Variants in SPMIP11 observed in about 807,000 individuals in gnomAD.
The protein encoded by SPMIP11 is long intergenic non-protein coding RNA 935.
At chr12:48,744,435 G>C in the SPMIP11 span, among the ~76,000 whole-genome samples, 1,126 of 151,956 alleles carry the variant, frequency 7.4e-3, 15 homozygotes, top group African/African-American at 0.026. Flanking sequence ...CAAAAGACTT[G>C]TGGGCACTTG....
the SPMIP11 span, chr12:48,768,342 T>G: frequency 7.3e-6 from 4 of 548,996 alleles, no homozygotes; most frequent in Admixed American, 3.1e-5. Flanking sequence ...GGCTGGAAGA[T>G]TGGAGAGGGA....
chr12:48,763,924 TGCCTCG>T, the SPMIP11 span, among the ~76,000 whole-genome samples: 1 of 152,054 alleles, frequency 6.6e-6, no homozygotes, highest in African/African-American at 2.4e-5. Context: ...GTAATCCACC[TGCCTCG>T]GCCTCTAAAA....
At chr12:48,735,223 A>G in the SPMIP11 span, among the ~76,000 whole-genome samples, 2 of 152,112 alleles carry the variant, frequency 1.3e-5, no homozygotes, top group South Asian at 4.1e-4. Context: ...AGCCCAGCCA[A>G]CCTTGATTTC....
At chr12:48,757,736 G>A in the SPMIP11 span, among the ~76,000 whole-genome samples, 5 of 151,510 alleles carry the variant, frequency 3.3e-5, no homozygotes, top group South Asian at 1.0e-3. Flanking sequence ...GCTCACGCCT[G>A]TAATCCCAGC....
the SPMIP11 span, among the ~76,000 whole-genome samples, chr12:48,730,369 T>C: frequency 6.6e-6 from 1 of 151,994 alleles, no homozygotes; most frequent in Non-Finnish European, 1.5e-5. Context: ...GGAGGGAAGA[T>C]TGAACATCAA....
At chr12:48,734,431 T>G in the SPMIP11 span, among the ~76,000 whole-genome samples, 3 of 152,168 alleles carry the variant, frequency 2.0e-5, no homozygotes, top group African/African-American at 7.2e-5. Flanking sequence ...TTTTATATAT[T>G]GCCTTCCCAT....
At chr12:48,762,231 T>C in the SPMIP11 span, among the ~76,000 whole-genome samples, 1 of 146,008 alleles carries the variant, frequency 6.8e-6, no homozygotes, top group South Asian at 2.2e-4. Flanking sequence ...GCTAATTTTT[T>C]GTATTTTTAG....
the SPMIP11 span, among the ~76,000 whole-genome samples, chr12:48,737,804 C>A: frequency 6.6e-6 from 1 of 151,920 alleles, no homozygotes; most frequent in Non-Finnish European, 1.5e-5. Context: ...TAACATTAAT[C>A]TTGATATTAT....
chr12:48,730,651 G>C, the SPMIP11 span, among the ~76,000 whole-genome samples: 1 of 152,142 alleles, frequency 6.6e-6, no homozygotes, highest in Non-Finnish European at 1.5e-5. Context: ...GAAAACTGAG[G>C]CTCAGGCCGG....
chr12:48,737,398 T>C, the SPMIP11 span, among the ~76,000 whole-genome samples: 1 of 151,660 alleles, frequency 6.6e-6, no homozygotes, highest in African/African-American at 2.4e-5. Flanking sequence ...TTCTGAGAAA[T>C]TTTATTTTAA....
At chr12:48,764,708 G>C in the SPMIP11 span, 5 of 590,864 alleles carry the variant, frequency 8.5e-6, no homozygotes, top group Admixed American at 3.0e-5. Flanking sequence ...GCAGGGTGTG[G>C]TGACCACACT....
At chr12:48,750,962 G>A in the SPMIP11 span, among the ~76,000 whole-genome samples, 1 of 152,250 alleles carries the variant, frequency 6.6e-6, no homozygotes, top group South Asian at 2.1e-4. Context: ...TGGTCCCTTA[G>A]CTAGGCCTTT....
At chr12:48,733,072 CTTTTTTTTT>C in the SPMIP11 span, among the ~76,000 whole-genome samples, 346 of 110,840 alleles carry the variant, frequency 3.1e-3, 1 homozygote, top group African/African-American at 0.011. Flanking sequence ...ACAAGTTAAT[CTTTTTTTTT>C]TTTTTTTTTT....
chr12:48,768,722 G>A, the SPMIP11 span: 6 of 1,613,400 alleles, frequency 3.7e-6, no homozygotes, highest in African/African-American at 6.7e-5. Context: ...GTCACCTGGG[G>A]GAGTGGGAGG....
the SPMIP11 span, chr12:48,759,148 G>C: frequency 1.4e-6 from 1 of 695,708 alleles, no homozygotes; most frequent in South Asian, 1.5e-5. Context: ...TGGAGACCAG[G>C]GAATCAGAGA....
chr12:48,764,665 G>C, the SPMIP11 span, among the ~76,000 whole-genome samples: 7 of 152,224 alleles, frequency 4.6e-5, no homozygotes, highest in Non-Finnish European at 1.0e-4. Context: ...ATTTGACCAT[G>C]AAGGGTGTGA....
chr12:48,731,273 A>G, the SPMIP11 span, among the ~76,000 whole-genome samples: 1 of 152,188 alleles, frequency 6.6e-6, no homozygotes, highest in Non-Finnish European at 1.5e-5. Context: ...TGGGCGGATC[A>G]TGAGGTCAGG....
the SPMIP11 span, among the ~76,000 whole-genome samples, chr12:48,731,465 T>C: frequency 6.6e-6 from 1 of 151,260 alleles, no homozygotes; most frequent in African/African-American, 2.4e-5. Flanking sequence ...CCCTCCAGCC[T>C]GGGCGACAGA....
At chr12:48,756,044 A>AT in the SPMIP11 span, among the ~76,000 whole-genome samples, 3,906 of 143,510 alleles carry the variant, frequency 0.027, 91 homozygotes, top group Admixed American at 0.074. Context: ...CACCTGGCTA[A>AT]TTTTTTTTTT....
Sources: gnomAD v4.1 joint callset for allele counts (sites outside exome capture counted in the v4.1 genomes callset) on GRCh38, gnomAD v4.1.1 for gene constraint, MANE v1.5 for transcripts, NCBI Gene and HGNC (gene_info 2026-07-23, HGNC 2026-07-21) for gene names.